CA10: variants seen among roughly 807,000 people sequenced by gnomAD.
The protein encoded by CA10 is carbonic anhydrase-related protein 10.
In CA10, 14 loss-of-function variants were observed where a neutral mutation model predicts 44.2. That is an observed-to-expected ratio of 0.32 (90% confidence interval 0.21 to 0.50). The LOEUF (loss-of-function observed/expected upper bound fraction) is 0.50, where lower values mean the gene tolerates loss of function less well. Among genes scored for constraint, CA10 ranks in the 20% least tolerant of loss-of-function variants. The pLI, the probability that CA10 is intolerant of heterozygous loss-of-function variation, is 0.99. For missense variants in CA10, 350 were observed against 409.7 expected (o/e 0.85, Z 1.26); for synonymous variants, 159 against 141.6 (o/e 1.12, Z -0.87).
chr17:51,923,122 C>A (rs1443686536), intron 3 of CA10, among the ~76,000 whole-genome samples: 1 of 152,122 alleles, frequency 6.6e-6, no homozygotes, highest in Non-Finnish European at 1.5e-5. Context: ...TGTAAAAAGA[C>A]CTTTGGTGCT....
At chr17:51,998,485 T>C (rs1358330135) in intron 2 of CA10, among the ~76,000 whole-genome samples, 2 of 152,072 alleles carry the variant, frequency 1.3e-5, no homozygotes, top group East Asian at 3.9e-4. Context: ...ACCAACCTTA[T>C]AAAATTAGAG....
intron 4 of CA10, among the ~76,000 whole-genome samples, chr17:51,726,950 T>C (rs144453394): frequency 6.6e-6 from 1 of 152,358 alleles, no homozygotes; most frequent in African/African-American, 2.4e-5. Flanking sequence ...GTTAGTGGCC[T>C]GCTGGTTTCA....
intron 4 of CA10, among the ~76,000 whole-genome samples, chr17:51,737,567 T>C (rs1916954242): frequency 6.6e-6 from 1 of 152,086 alleles, no homozygotes; most frequent in Non-Finnish European, 1.5e-5. Context: ...ATTAGCTCCA[T>C]CTCCCAGTTT....
chr17:52,133,259 C>A (rs541562307), intron 1 of CA10, among the ~76,000 whole-genome samples: 1 of 152,194 alleles, frequency 6.6e-6, no homozygotes, highest in African/African-American at 2.4e-5. Context: ...GAGCCTCCAG[C>A]GCCCCAGCGG....
chr17:51,677,896 C>CA (rs368788910), intron 4 of CA10, among the ~76,000 whole-genome samples: 26,249 of 141,284 alleles, frequency 0.19, 3,205 homozygotes, highest in Non-Finnish European at 0.27. Flanking sequence ...CCCCCCCCCC[C>CA]ACCGGCTGCC....
intron 2 of CA10, among the ~76,000 whole-genome samples, chr17:52,061,160 C>G (rs2191407): frequency 0.99 from 150,616 of 152,300 alleles, 74,493 homozygotes; most frequent in East Asian, 1. Context: ...ATGATTATGT[C>G]AAGGATCTTA....
intron 3 of CA10, among the ~76,000 whole-genome samples, chr17:51,846,677 C>T (rs1482956495): frequency 6.6e-6 from 1 of 152,246 alleles, no homozygotes; most frequent in Non-Finnish European, 1.5e-5. Flanking sequence ...CTCTTTACTA[C>T]ATCTGATTTG....
At chr17:51,687,220 G>A (rs1448193158) in intron 4 of CA10, among the ~76,000 whole-genome samples, 1 of 152,110 alleles carries the variant, frequency 6.6e-6, no homozygotes, top group Non-Finnish European at 1.5e-5. Context: ...TTTCATTTGT[G>A]TAAAATATAC....
intron 3 of CA10, among the ~76,000 whole-genome samples, chr17:51,751,275 A>C (rs533764790): frequency 2.0e-4 from 31 of 152,218 alleles, no homozygotes; most frequent in Non-Finnish European, 4.4e-4. Flanking sequence ...GGAGGGAGGA[A>C]GAGAGAGTTA....
At chr17:51,645,358 C>T (rs925791178) in intron 6 of CA10, among the ~76,000 whole-genome samples, 20 of 152,196 alleles carry the variant, frequency 1.3e-4, no homozygotes, top group Middle Eastern at 3.2e-3. Context: ...AGAAGACTGA[C>T]CCCCTCTAGA....
rs59075793 is a variant in CA10, at chr17:51,887,843, C to CAA, written c.279+43145_279+43146dup. On this transcript the variant is annotated intron_variant, in intron 3 of 8. Transcript: ENST00000451037. The stretch of plus-strand genomic sequence containing the variant: ...CTAAACCCCTTCTCTACTAAAAATA[C>CAA]AAAAAAAAAAAGAAAAAAAAAAAAG... Among the ~76,000 whole-genome samples, 67 of 83,664 alleles carry CAA rather than the reference C, an allele frequency of 8.0e-4. 1 individual carries two copies. Among genetic ancestry groups the CAA allele is most frequent in the African/African-American group, 2.4e-3 (65 of 26,672 alleles). 54.9% of individuals were successfully genotyped at this position (83,664 alleles called of 152,430 possible).
At chr17:51,733,166 C>T (rs1916780934) in intron 4 of CA10, among the ~76,000 whole-genome samples, 1 of 152,154 alleles carries the variant, frequency 6.6e-6, no homozygotes, top group South Asian at 2.1e-4. Context: ...CCTAAGGTAG[C>T]ACAGTTCCTG....
At chr17:51,946,234 A>G (rs1020631229) in intron 2 of CA10, among the ~76,000 whole-genome samples, 2 of 152,196 alleles carry the variant, frequency 1.3e-5, no homozygotes, top group Non-Finnish European at 2.9e-5. Context: ...TTTTATTAAC[A>G]TGGTAATTAC....
intron 2 of CA10, among the ~76,000 whole-genome samples, chr17:52,011,596 A>T (rs1314837696): frequency 3.3e-5 from 5 of 152,014 alleles, no homozygotes; most frequent in African/African-American, 7.2e-5. Context: ...GAACATTTGG[A>T]TTTTTTTCTT....
rs72834295 is a variant in CA10 at position 52,031,491 on chromosome 17, C to A, written c.136+40828G>T. ...AACGGGTAAAGCACAAACACATTTACTTAACTGCACCCAATCTTGTGAATT... is the reference window on the plus strand; with the variant it reads ...AACGGGTAAAGCACAAACACATTTAATTAACTGCACCCAATCTTGTGAATT... On this transcript the variant is annotated intron_variant, in intron 2 of 8. Transcript: ENST00000451037. Among the ~76,000 whole-genome samples, 274 of 152,260 alleles carry A rather than the reference C, an allele frequency of 1.8e-3. 1 individual carries two copies. The highest frequency in any genetic ancestry group is 3.2e-3 in the Non-Finnish European group (216 of 68,016).
At chr17:51,739,454 C>T (rs1035812363) in intron 4 of CA10, among the ~76,000 whole-genome samples, 3 of 152,140 alleles carry the variant, frequency 2.0e-5, no homozygotes, top group South Asian at 4.2e-4. Flanking sequence ...CTCCTTTCTT[C>T]CGATGAAGCA....
At chr17:51,795,837 TGA>T (rs1268286426) in intron 3 of CA10, among the ~76,000 whole-genome samples, 1 of 152,216 alleles carries the variant, frequency 6.6e-6, no homozygotes, top group African/African-American at 2.4e-5. Context: ...GGAATAGGTG[TGA>T]GTGTCCACAT....
rs1350716063 is a variant in CA10, at chr17:51,717,816, T to C, written c.465+29817A>G. The stretch of plus-strand genomic sequence containing the variant: ...GTATATGTGTATATATATACACGTA[T>C]ATATATGTGTGTGTATATATATATA... On this transcript the variant is annotated intron_variant, in intron 4 of 8. Coordinates refer to ENST00000451037, the MANE Select transcript of CA10 (RefSeq NM_020178.5). Among the ~76,000 whole-genome samples the C allele has an allele frequency of 4.3e-5, 2 of 46,282 alleles. 1 individual carries two copies. The highest frequency in any genetic ancestry group is 7.3e-5 in the Non-Finnish European group (2 of 27,528). The allele number at this position is 46,282 out of a possible 152,430, so 30.4% of individuals were successfully genotyped here.
At chr17:51,859,109 T>A (rs968933454) in intron 3 of CA10, among the ~76,000 whole-genome samples, 1 of 152,148 alleles carries the variant, frequency 6.6e-6, no homozygotes, top group Admixed American at 6.5e-5. Context: ...TAGTTAATAA[T>A]TAACATTAAA....
Sources: allele counts gnomAD v4.1 joint callset (sites outside exome capture counted in the v4.1 genomes callset), GRCh38; gene constraint gnomAD v4.1.1; transcripts MANE v1.5; gene names NCBI Gene and HGNC (gene_info 2026-07-23, HGNC 2026-07-21).